Variants in SNRPN observed in about 807,000 individuals in gnomAD.
SNRPN encodes the protein small nuclear ribonucleoprotein-associated protein N.
Under a neutral mutation model 25.2 loss-of-function variants are expected in SNRPN, and 7 were observed. The ratio of observed to expected loss-of-function variants is 0.28; its 90% CI spans 0.16 to 0.52. The LOEUF is 0.52. SNRPN is among the 20% of genes least tolerant of loss of function. The probability of loss-of-function intolerance (pLI) is 0.96; values close to 1 mark genes in which losing one functional copy is unlikely to be tolerated. For synonymous variants in SNRPN, 124 were observed against 110.6 expected (o/e 1.12, Z -0.76); for missense variants, 196 against 322.5 (o/e 0.61, Z 3.00).
rs141252275 is a variant in SNRPN at position 24,888,172 on chromosome 15, A to G, written c.-505+1583A>G. 6.0e-3 allele frequency among the ~76,000 whole-genome samples: 898 copies of G among 148,694 alleles called. 9 individuals carry two copies. The highest frequency in any genetic ancestry group is 0.021 in the African/African-American group (856 of 40,646). On this transcript the variant is annotated intron_variant, in intron 2 of 11. Transcript: ENST00000400097. ...TGCCCGGGCTAGAATGCAGTGGCAC[A>G]ATCTCGGCTCACCACAACCTCCGCC...
chr15:24,907,519 A>G (rs916184726), intron 2 of SNRPN, among the ~76,000 whole-genome samples: 3 of 151,758 alleles, frequency 2.0e-5, no homozygotes, highest in Non-Finnish European at 4.4e-5. Context: ...AATGGCATGA[A>G]CCCAGGAGGC....
chr15:24,842,221 C>T (rs79674435), intron 2 of SNRPN, among the ~76,000 whole-genome samples: 24,327 of 151,906 alleles, frequency 0.16, 2,300 homozygotes, highest in South Asian at 0.21. Context: ...TTACCAATCC[C>T]AAGGGAGGAC....
Position 24,834,751 on chromosome 15 carries a change from C to CTCTCTCTCTATATATA in SNRPN, c.-579+4847_-579+4848insCTCTCTCTATATATAT. ...TCCCTCTCTCTCTCTCTCTCTCTCT[C>CTCTCTCTCTATATATA]TATATATATATATATATATATATAT... On this transcript the variant is annotated intron_variant, in intron 2 of 12. Transcript: ENST00000400100. Among the ~76,000 whole-genome samples, 96 of 60,938 alleles carry CTCTCTCTCTATATATA rather than the reference C, an allele frequency of 1.6e-3. 1 individual carries two copies. The highest frequency in any genetic ancestry group is 1.9e-3 in the Non-Finnish European group (57 of 30,226). 40.0% of individuals were successfully genotyped at this position (60,938 alleles called of 152,430 possible).
chr15:24,952,007 CTG>C (rs2062317634), upstream of SNRPN, among the ~76,000 whole-genome samples: 2 of 152,066 alleles, frequency 1.3e-5, no homozygotes, highest in Admixed American at 6.6e-5. Flanking sequence ...ATCTAAGAAA[CTG>C]TTGCCTAATT....
intron 2 of SNRPN, among the ~76,000 whole-genome samples, chr15:24,834,589 G>A (rs1416666775): frequency 1.3e-5 from 2 of 151,488 alleles, no homozygotes; most frequent in Non-Finnish European, 2.9e-5. Context: ...AAATCTAGCT[G>A]GGCATGGTAG....
At chr15:24,923,095 G>A (rs2060133811) in intron 3 of SNRPN, among the ~76,000 whole-genome samples, 1 of 151,852 alleles carries the variant, frequency 6.6e-6, no homozygotes, top group African/African-American at 2.4e-5. Flanking sequence ...TAGCAGAGAT[G>A]GGGTTTTACC....
rs760673179 is a variant in SNRPN, at chr15:24,978,239, A to C, written c.606A>C (p.Pro202=). The change falls in exon 9 of 10, where the codon CCA becomes CCC. Residue 202 remains proline, a synonymous_variant. Transcript: ENST00000390687. ...GTATGAGACCACCCATGGGCCCACCAATTGGGCTTCCCCCTGCTCGAGGGA... is the reference window on the plus strand; with the variant it reads ...GTATGAGACCACCCATGGGCCCACCCATTGGGCTTCCCCCTGCTCGAGGGA... ...PPGMRPPMGP[P]IGLPPARGTP... 20 of 1,613,822 alleles carry C rather than the reference A, an allele frequency of 1.2e-5. No individual in the cohort carries two copies. Among genetic ancestry groups the C allele is most frequent in the Non-Finnish European group, 1.6e-5 (19 of 1,179,874 alleles).
intron 1 of SNRPN, among the ~76,000 whole-genome samples, chr15:24,875,245 G>A (rs1042329361): frequency 6.6e-6 from 1 of 152,148 alleles, no homozygotes; most frequent in Non-Finnish European, 1.5e-5. Flanking sequence ...CCACTCCCAA[G>A]TTCCAGTTGT....
intron 2 of SNRPN, among the ~76,000 whole-genome samples, chr15:24,902,948 G>A (rs192224871): frequency 2.0e-3 from 299 of 152,256 alleles, no homozygotes; most frequent in African/African-American, 7.1e-3. Context: ...CCCTTATTTG[G>A]CCCTGCCCAT....
chr15:24,976,757 A>G, intron 6 of SNRPN, 120 bp from the exon 7 acceptor site: 2 of 869,050 alleles, frequency 2.3e-6, no homozygotes, highest in East Asian at 2.5e-5. Flanking sequence ...TCATTTGGAC[A>G]CAGAACTAAT....
intron 2 of SNRPN, among the ~76,000 whole-genome samples, chr15:24,833,120 A>AAAG (rs1361093682): frequency 6.6e-6 from 1 of 150,648 alleles, no homozygotes; most frequent in African/African-American, 2.4e-5. Flanking sequence ...AAAAAAAAAA[A>AAAG]AAAAAAAAAA....
intron 2 of SNRPN, among the ~76,000 whole-genome samples, chr15:24,888,109 T>G (rs2057350876): frequency 7.1e-6 from 1 of 139,908 alleles, no homozygotes; most frequent in Non-Finnish European, 1.6e-5. Context: ...ATATTAGAAA[T>G]GACTTTTTTT....
At chr15:24,895,431 ACACACACACG>A (rs748030539) in intron 2 of SNRPN, among the ~76,000 whole-genome samples, 2 of 143,602 alleles carry the variant, frequency 1.4e-5, no homozygotes, top group African/African-American at 5.3e-5. Context: ...ACACACACAC[ACACACACACG>A]GACAACACAT....
Position 24,909,844 on chromosome 15 carries a change from G to C in SNRPN, c.-504-10167G>C, listed in dbSNP as rs547724370. On this transcript the variant is annotated intron_variant, in intron 2 of 11. Coordinates refer to the SNRPN transcript ENST00000400097. ...ACCCCATCCTGCAGAACAGAGACCCGCGTCCACAGCTCAACAGAGACCAGC... is the reference window on the plus strand; with the variant it reads ...ACCCCATCCTGCAGAACAGAGACCCCCGTCCACAGCTCAACAGAGACCAGC... 3 of 951,602 alleles carry C rather than the reference G, an allele frequency of 3.2e-6. No homozygotes were observed. In the East Asian group the frequency reaches 7.2e-5, roughly 23 times the overall value. 58.9% of individuals were successfully genotyped at this position (951,602 alleles called of 1,614,324 possible).
chr15:24,855,685 AG>A (rs1386532030), upstream of SNRPN, among the ~76,000 whole-genome samples: 4 of 150,904 alleles, frequency 2.7e-5, no homozygotes, highest in Non-Finnish European at 5.9e-5. Flanking sequence ...CCAGCTACTC[AG>A]GAAGCTGAGG....
chr15:24,911,804 C>A (rs779038268), intron 2 of SNRPN, among the ~76,000 whole-genome samples: 4 of 152,206 alleles, frequency 2.6e-5, no homozygotes, highest in African/African-American at 7.2e-5. Flanking sequence ...TTGGGGCCAC[C>A]ACAGAGTGCC....
rs1254407999 is a variant in SNRPN at position 24,871,994 on chromosome 15, C to T, written c.-578-14522C>T. Among the ~76,000 whole-genome samples the T allele has an allele frequency of 2.5e-5, 3 of 120,656 alleles. 1 individual carries two copies. The highest frequency in any genetic ancestry group is 8.5e-5 in the African/African-American group (3 of 35,346). The allele number at this position is 120,656 out of a possible 152,430, so 79.2% of individuals were successfully genotyped here. ...TGCTAGGATTACAGGCGTAAGCCAC[C>T]ACGCCCGGCCTTTTGTCCTCTTTTT... On this transcript the variant is annotated intron_variant, in intron 1 of 11. Coordinates refer to the SNRPN transcript ENST00000400097.
intron 2 of SNRPN, among the ~76,000 whole-genome samples, chr15:24,902,101 C>T (rs905541856): frequency 6.6e-6 from 1 of 152,214 alleles, no homozygotes; most frequent in East Asian, 1.9e-4. Context: ...ATGGAAATAG[C>T]ATTTCCGTTG....
intron 2 of SNRPN, among the ~76,000 whole-genome samples, chr15:24,844,787 G>A (rs2052040655): frequency 6.6e-6 from 1 of 152,162 alleles, no homozygotes; most frequent in Admixed American, 6.5e-5. Flanking sequence ...GCTTCTCAAA[G>A]TGCTGGGATT....
Sources: allele counts gnomAD v4.1 joint callset (sites outside exome capture counted in the v4.1 genomes callset), GRCh38; gene constraint gnomAD v4.1.1; transcripts MANE v1.5; gene names NCBI Gene and HGNC (gene_info 2026-07-23, HGNC 2026-07-21).